TIMM23B: variants seen among roughly 807,000 people sequenced by gnomAD.
The protein encoded by TIMM23B is mitochondrial import inner membrane translocase subunit Tim23B.
In TIMM23B, 27 loss-of-function variants were observed where a neutral mutation model predicts 27.3. The observed-to-expected ratio is 0.99, with a 90% CI of 0.73 to 1.36. The LOEUF (loss-of-function observed/expected upper bound fraction) is 1.36, where lower values mean the gene tolerates loss of function less well. TIMM23B is among the 40% of genes most tolerant of loss of function. TIMM23B has a pLI of 0.00. For synonymous variants in TIMM23B, 73 were observed against 92.4 expected (o/e 0.79, Z 1.21); for missense variants, 205 against 244.2 (o/e 0.84, Z 1.07).
At chr10:49,970,723 T>TG (rs1490029721) in intron 6 of TIMM23B, among the ~76,000 whole-genome samples, 9 of 110,076 alleles carry the variant, frequency 8.2e-5, no homozygotes, top group Non-Finnish European at 1.2e-4. Context: ...GGGGCGCCTC[T>TG]GCCCGGCTGC....
intron 6 of TIMM23B, among the ~76,000 whole-genome samples, chr10:49,965,387 G>C (rs1364752016): frequency 2.0e-5 from 3 of 152,096 alleles, no homozygotes; most frequent in African/African-American, 7.2e-5. Context: ...CTGGGTGATA[G>C]AGCGAGTCTA....
chr10:49,942,273 T>C lies in TIMM23B; in HGVS notation c.79T>C (p.Ser27Pro). The C allele has an allele frequency of 6.2e-7, 1 of 1,612,574 alleles. No homozygotes were observed. The highest frequency in any genetic ancestry group is 8.5e-7 in the Non-Finnish European group (1 of 1,179,252). Reference sequence around the variant, plus strand: ...TTTCGGAGCCGGCGAAGCAGGTTACTCGCACGCGGATTTGGCTGGCGTCCC... The same window carrying C: ...TTTCGGAGCCGGCGAAGCAGGTTACCCGCACGCGGATTTGGCTGGCGTCCC... Reference protein sequence around the residue: ...GFFGAGEAGYSHADLAGVPLT... With the variant: ...GFFGAGEAGYPHADLAGVPLT... Residue 27 changes from serine to proline, a missense_variant, in exon 1 of 7, where the codon TCG (serine) becomes CCG (proline). Transcript: ENST00000651259.
In TIMM23B at chr10:49,963,522, G is replaced by T. The variant is rs868984571; in HGVS notation, c.514+5042G>T. Among the ~76,000 whole-genome samples, 7 of 152,100 alleles carry T rather than the reference G, an allele frequency of 4.6e-5. No individual in the cohort carries two copies. The East Asian group carries it at 1.4e-3, about 29-fold the overall frequency. On this transcript the variant is annotated intron_variant, in intron 6 of 6. Coordinates refer to ENST00000651259, the MANE Select transcript of TIMM23B (RefSeq NM_001290117.2). ...ATGAAATAATGAACAATGAAATGCC[G>T]GGTGAAATGAAATGAAATGAAGAAA...
intron 6 of TIMM23B, among the ~76,000 whole-genome samples, chr10:49,964,172 G>A (rs559706407): frequency 7.2e-5 from 11 of 151,858 alleles, no homozygotes; most frequent in Non-Finnish European, 1.3e-4. Flanking sequence ...GTGATAGAGC[G>A]AGTCTCCATC....
chr10:49,964,217 T>C (rs1840031589), intron 6 of TIMM23B, among the ~76,000 whole-genome samples: 1 of 135,988 alleles, frequency 7.4e-6, no homozygotes, highest in Admixed American at 7.7e-5. Flanking sequence ...AATGAAGAAA[T>C]GAAATAAATG....
At chr10:49,965,531 GAAATGAAATGAAA>G (rs1840103084) in intron 6 of TIMM23B, among the ~76,000 whole-genome samples, 1 of 150,522 alleles carries the variant, frequency 6.6e-6, no homozygotes, top group Non-Finnish European at 1.5e-5. Flanking sequence ...TGAAACAAAT[GAAATGAAATGAAA>G]TGAGAAATGA....
At chr10:49,950,843 A>G (rs1299568786) in intron 2 of TIMM23B, among the ~76,000 whole-genome samples, 1 of 152,222 alleles carries the variant, frequency 6.6e-6, no homozygotes, top group Non-Finnish European at 1.5e-5. Context: ...TGCCTGGCCA[A>G]GTTTTCTATT....
At position 49,952,148 on chromosome 10, in the gene TIMM23B, C is replaced by G; in HGVS notation, c.188C>G (p.Pro63Arg). ...LVQDTDEFIL[P>R]TGANKTWGRF... ...TAGGATACAGATGAGTTCATTTTAC[C>G]TACCGGAGCTAATAAAACCTGGGGC... Residue 63 changes from proline (P) to arginine (R), a missense_variant, in exon 3 of 7, where the codon CCT becomes CGT. Pro to Arg is a moderately radical substitution (Grantham distance 103). Transcript: ENST00000651259. 2 of 1,602,840 alleles carry G rather than the reference C, an allele frequency of 1.2e-6. No individual in the cohort carries two copies. Among genetic ancestry groups the G allele is most frequent in the Middle Eastern group, 3.3e-4 (2 of 6,044 alleles).
intron 1 of TIMM23B, chr10:49,943,114 C>A (rs202175782): frequency 6.6e-6 from 1 of 152,182 alleles, no homozygotes; most frequent in South Asian, 2.1e-4. Context: ...GAAATATGTT[C>A]AGACTGACTC....
chr10:49,945,630 A>C (rs1201089900), intron 2 of TIMM23B, among the ~76,000 whole-genome samples: 2 of 152,158 alleles, frequency 1.3e-5, no homozygotes, highest in Non-Finnish European at 2.9e-5. Context: ...AGTGTGTTTT[A>C]AAGCTCAGTT....
At position 49,943,959 on chromosome 10, in the gene TIMM23B, A is replaced by T. The variant is rs1173629332; in HGVS notation, c.107-1073A>T. On this transcript the variant is annotated intron_variant, in intron 1 of 6. Coordinates refer to ENST00000651259, the MANE Select transcript of TIMM23B (RefSeq NM_001290117.2). ...GAGTTGACATTTGAGCTGTGACCCA[A>T]ATACAGTACAAATGCTTGGGAGGCA... Among the ~76,000 whole-genome samples, 199 of 152,278 alleles carry T rather than the reference A, an allele frequency of 1.3e-3. 1 individual carries two copies. The highest frequency in any genetic ancestry group is 4.6e-3 in the African/African-American group (190 of 41,552).
Position 49,942,288 on chromosome 10 carries a change from G to T in TIMM23B, c.94G>T (p.Ala32Ser). The change falls in exon 1 of 7, where the codon GCT (alanine) becomes TCT (serine). Residue 32 changes from alanine (A) to serine (S), a missense_variant. Coordinates refer to ENST00000651259, the MANE Select transcript of TIMM23B (RefSeq NM_001290117.2). ...AGCAGGTTACTCGCACGCGGATTTG[G>T]CTGGCGTCCCGCGTAAGTATGGGGC... ...GEAGYSHADL[A>S]GVPLTGMNPL... 2 of 1,611,430 alleles carry T rather than the reference G, an allele frequency of 1.2e-6. No homozygotes were observed. The highest frequency in any genetic ancestry group is 2.7e-5 in the African/African-American group (2 of 74,978).
At chr10:49,942,767 G>A (rs1289756058) in intron 1 of TIMM23B, among the ~76,000 whole-genome samples, 1 of 151,992 alleles carries the variant, frequency 6.6e-6, no homozygotes, top group Non-Finnish European at 1.5e-5. Flanking sequence ...ACTTGGGACA[G>A]GCTAGGAAAC....
chr10:49,968,620 G>C (rs1840275880), intron 6 of TIMM23B, among the ~76,000 whole-genome samples: 1 of 152,188 alleles, frequency 6.6e-6, no homozygotes, highest in African/African-American at 2.4e-5. Flanking sequence ...GGATCACAAG[G>C]TCAGGAGATT....
chr10:49,951,132 A>T (rs1839515572), intron 2 of TIMM23B, among the ~76,000 whole-genome samples: 1 of 152,204 alleles, frequency 6.6e-6, no homozygotes, highest in East Asian at 1.9e-4. Flanking sequence ...GTGTTTGTTT[A>T]CTTTTGCAAT....
chr10:49,945,589 C>T (rs1292310914), intron 2 of TIMM23B, among the ~76,000 whole-genome samples: 2 of 152,198 alleles, frequency 1.3e-5, no homozygotes, highest in African/African-American at 2.4e-5. Context: ...CCATGTTGGC[C>T]AGGCTCCCAA....
At chr10:49,954,595 G>A (rs1334700237) in intron 4 of TIMM23B, among the ~76,000 whole-genome samples, 3 of 151,898 alleles carry the variant, frequency 2.0e-5, no homozygotes, top group South Asian at 2.1e-4. Context: ...AAGCTAGCTC[G>A]CCATAGTTAA....
chr10:49,955,099 A>T (rs1437531951), intron 5 of TIMM23B, 39 bp downstream of exon 5: 2 of 1,597,064 alleles, frequency 1.3e-6, no homozygotes, highest in African/African-American at 2.7e-5. Flanking sequence ...TTGTTAACTT[A>T]AAGAAAGAAT....
At chr10:49,953,616 G>C (rs1201098147) in intron 4 of TIMM23B, among the ~76,000 whole-genome samples, 2 of 152,170 alleles carry the variant, frequency 1.3e-5, no homozygotes, top group Non-Finnish European at 2.9e-5. Flanking sequence ...AAACTGCTGG[G>C]ATTACAGACA....
Sources: allele counts gnomAD v4.1 joint callset (sites outside exome capture counted in the v4.1 genomes callset), GRCh38; gene constraint gnomAD v4.1.1; transcripts MANE v1.5; gene names NCBI Gene and HGNC (gene_info 2026-07-23, HGNC 2026-07-21).